Variants in MTA3 observed in about 807,000 individuals in gnomAD.
The protein encoded by MTA3 is metastasis-associated protein MTA3.
Under a neutral mutation model 83.5 loss-of-function variants are expected in MTA3, and 34 were observed. The ratio of observed to expected loss-of-function variants is 0.41; its 90% CI spans 0.31 to 0.54. The LOEUF (loss-of-function observed/expected upper bound fraction) is 0.54, where lower values mean the gene tolerates loss of function less well. MTA3 is among the 20% of genes least tolerant of loss of function. The probability of loss-of-function intolerance (pLI) is 0.33; values close to 1 mark genes in which losing one functional copy is unlikely to be tolerated. For missense variants in MTA3, 761 were observed against 726.4 expected (o/e 1.05, Z -0.55); for synonymous variants, 303 against 252.7 (o/e 1.20, Z -1.89).
At chr2:42,521,984 C>T (rs1203953857) in intron 2 of MTA3, among the ~76,000 whole-genome samples, 1 of 152,130 alleles carries the variant, frequency 6.6e-6, no homozygotes, top group East Asian at 1.9e-4. Context: ...GAACTCCTGA[C>T]CTCAGGTGAT....
At chr2:42,558,184 A>T (rs1390749050) in intron 2 of MTA3, among the ~76,000 whole-genome samples, 1 of 150,048 alleles carries the variant, frequency 6.7e-6, no homozygotes, top group Admixed American at 6.6e-5. Flanking sequence ...TCTCCTCCTG[A>T]TCACTACCTG....
chr2:42,693,146 G>A (rs575659686), intron 9 of MTA3, among the ~76,000 whole-genome samples: 1 of 151,950 alleles, frequency 6.6e-6, no homozygotes, highest in African/African-American at 2.4e-5. Flanking sequence ...CCCGTCCCTT[G>A]AGCTACCTGG....
In MTA3 at chr2:42,593,299, C is replaced by G. The variant is rs376090260; in HGVS notation, c.190+14099C>G. Among the ~76,000 whole-genome samples the G allele has an allele frequency of 7.3e-5, 11 of 151,418 alleles. No homozygotes were observed. The South Asian group carries it at 2.3e-3, about 31-fold the overall frequency. On this transcript the variant is annotated intron_variant, in intron 3 of 16. Coordinates refer to ENST00000405094, the MANE Select transcript of MTA3 (RefSeq NM_001330442.2). ...GTTAGGACATTGAGACCAGCCTGAC[C>G]AACATCGTGCTACTGCACTCCAGCC... is the stretch of plus-strand genomic sequence containing the variant.
At chr2:42,661,982 G>T (rs1019137009) in intron 8 of MTA3, among the ~76,000 whole-genome samples, 2 of 152,062 alleles carry the variant, frequency 1.3e-5, no homozygotes, top group Non-Finnish European at 2.9e-5. Flanking sequence ...TATGTAGTCT[G>T]TGTTTTTATA....
intron 2 of MTA3, among the ~76,000 whole-genome samples, chr2:42,523,391 G>A (rs2103698536): frequency 6.6e-6 from 1 of 152,110 alleles, no homozygotes; most frequent in East Asian, 1.9e-4. Context: ...TAATTGAACG[G>A]CGTGTTCTCG....
chr2:42,647,396 T>C (rs1249218808), intron 6 of MTA3, among the ~76,000 whole-genome samples: 3 of 151,684 alleles, frequency 2.0e-5, no homozygotes, highest in African/African-American at 7.3e-5. Flanking sequence ...GCTAATTTTT[T>C]TTGTATTTTT....
At chr2:42,508,679 T>G (rs1674751082) in intron 2 of MTA3, among the ~76,000 whole-genome samples, 2 of 151,244 alleles carry the variant, frequency 1.3e-5, no homozygotes, top group African/African-American at 4.9e-5. Context: ...TTTCATTGAC[T>G]GTAACAAATA....
intron 10 of MTA3, 32 bp from the exon 11 acceptor site, chr2:42,697,744 A>G (rs1003730205): frequency 1.4e-6 from 2 of 1,425,736 alleles, no homozygotes; most frequent in South Asian, 2.7e-5. Flanking sequence ...TAGGCATTGC[A>G]TGTAAAATGT....
chr2:42,605,704 G>T (rs1339483391), intron 3 of MTA3, among the ~76,000 whole-genome samples: 1 of 130,534 alleles, frequency 7.7e-6, no homozygotes, highest in Non-Finnish European at 1.6e-5. Context: ...GCGGCTGGCC[G>T]GGCGGGGGGC....
At chr2:42,728,521 A>G (rs1021902860) in intron 16 of MTA3, among the ~76,000 whole-genome samples, 2 of 152,196 alleles carry the variant, frequency 1.3e-5, no homozygotes, top group Non-Finnish European at 2.9e-5. Context: ...AACTGTTCTC[A>G]TAGTGGTTGT....
intron 4 of MTA3, among the ~76,000 whole-genome samples, chr2:42,617,607 T>C (rs1175571408): frequency 6.6e-6 from 1 of 151,866 alleles, no homozygotes; most frequent in African/African-American, 2.4e-5. Flanking sequence ...TGAAACCCCA[T>C]CTCTACTAAA....
intron 4 of MTA3, among the ~76,000 whole-genome samples, chr2:42,616,625 C>G (rs111510719): frequency 8.5e-6 from 1 of 117,760 alleles, no homozygotes; most frequent in African/African-American, 3.3e-5. Context: ...GTCACCCAGG[C>G]TGGAATGTAG....
rs562851026 is a variant in MTA3, at chr2:42,713,934, A to T, written c.1525+4838A>T. Among the ~76,000 whole-genome samples, 4 of 152,306 alleles carry T rather than the reference A, an allele frequency of 2.6e-5. No homozygotes were observed. The South Asian group carries it at 8.3e-4, about 32-fold the overall frequency. ...AATGGGAATGTTCCTTACAAGATAG[A>T]TCCCTAAAAGTTAAAGTTGGGGCCA... On this transcript the variant is annotated intron_variant, in intron 14 of 16. Coordinates refer to ENST00000405094, the MANE Select transcript of MTA3 (RefSeq NM_001330442.2).
chr2:42,535,771 C>A (rs563024704), intron 2 of MTA3, among the ~76,000 whole-genome samples: 1 of 152,040 alleles, frequency 6.6e-6, no homozygotes, highest in South Asian at 2.1e-4. Flanking sequence ...ACCTGTCACT[C>A]TGAAAGGATC....
chr2:42,675,408 A>G (rs1247959891), intron 8 of MTA3, among the ~76,000 whole-genome samples: 1 of 152,156 alleles, frequency 6.6e-6, no homozygotes, highest in Non-Finnish European at 1.5e-5. Context: ...TGCAGGGATT[A>G]ACAGGTGTGA....
At position 42,606,219 on chromosome 2, in the gene MTA3, C is replaced by T. The variant is rs1404058154; in HGVS notation, c.191-3239C>T. Among the ~76,000 whole-genome samples the T allele has an allele frequency of 4.8e-3, 661 of 137,758 alleles. 13 individuals are homozygous for T. Among genetic ancestry groups the T allele is most frequent in the Middle Eastern group, 0.015 (3 of 200 alleles). The allele number at this position is 137,758 out of a possible 152,430, so 90.4% of individuals were successfully genotyped here. Reference sequence around the variant, plus strand: ...GGCTGACCCCCCCCCACCTCCCTCCCGGACGGGGTGGCTGCCGGGCGGAGA... The same window carrying T: ...GGCTGACCCCCCCCCACCTCCCTCCTGGACGGGGTGGCTGCCGGGCGGAGA... On this transcript the variant is annotated intron_variant, in intron 3 of 16. Transcript: ENST00000405094.
intron 2 of MTA3, among the ~76,000 whole-genome samples, chr2:42,539,958 C>A (rs1396798958): frequency 6.6e-6 from 1 of 152,100 alleles, no homozygotes. Flanking sequence ...TCTCTTCCTG[C>A]TGTAGAATGG....
chr2:42,529,009 T>C (rs1675841110), intron 2 of MTA3, among the ~76,000 whole-genome samples: 1 of 152,236 alleles, frequency 6.6e-6, no homozygotes, highest in South Asian at 2.1e-4. Context: ...GTTTGTAGCC[T>C]GTTTACACAT....
chr2:42,622,092 C>G lies in MTA3; in HGVS notation c.317+12508C>G, dbSNP rs1685619341. ...AGGTTGTAGCGAGCCGAGATCACGC[C>G]ACTGCACTCCAGCCTGGGCAACATT... is the stretch of plus-strand genomic sequence containing the variant. On this transcript the variant is annotated intron_variant, in intron 4 of 16. Coordinates refer to ENST00000405094, the MANE Select transcript of MTA3 (RefSeq NM_001330442.2). Among the ~76,000 whole-genome samples the G allele has an allele frequency of 1.3e-5, 2 of 152,172 alleles. 1 individual carries two copies. Among genetic ancestry groups the G allele is most frequent in the Non-Finnish European group, 2.9e-5 (2 of 68,020 alleles).
Sources: allele counts gnomAD v4.1 joint callset (sites outside exome capture counted in the v4.1 genomes callset), GRCh38; gene constraint gnomAD v4.1.1; transcripts MANE v1.5; gene names NCBI Gene and HGNC (gene_info 2026-07-23, HGNC 2026-07-21).